The following FBN1 variants were observed in gnomAD, a reference collection of about 807,000 sequenced individuals.
FBN1 encodes fibrillin-1.
In FBN1, 29 loss-of-function variants were observed where a neutral mutation model predicts 365.1. The ratio of observed to expected loss-of-function variants is 0.08; its 90% CI spans 0.06 to 0.11. The LOEUF is 0.11. Ranked by LOEUF, FBN1 falls within the 10% of genes least tolerant of loss-of-function variation. The pLI is 1.00. For missense variants in FBN1, 2,476 were observed against 3,703.2 expected (o/e 0.67, Z 8.60); for synonymous variants, 1,210 against 1,270.5 (o/e 0.95, Z 1.01).
chr15:48,417,771 T>C (rs1027117431), intron 63 of FBN1, among the ~76,000 whole-genome samples: 5 of 152,216 alleles, frequency 3.3e-5, no homozygotes, highest in Admixed American at 1.3e-4. Context: ...CCAAGCTCCA[T>C]GTCAAACAAA....
intron 2 of FBN1, among the ~76,000 whole-genome samples, chr15:48,638,380 C>A (rs1024066077): frequency 1.3e-5 from 2 of 152,134 alleles, no homozygotes; most frequent in African/African-American, 2.4e-5. Flanking sequence ...TTACCAGCTA[C>A]AAGATTTATT....
In FBN1 at chr15:48,503,252, G is replaced by A. The variant is rs1481650597; in HGVS notation, c.2113+535C>T. On this transcript the variant is annotated intron_variant, in intron 17 of 65. Coordinates refer to ENST00000316623, the MANE Select transcript of FBN1 (RefSeq NM_000138.5). ...GCGGAGGTGGCAGTGAGCTGAGATC[G>A]CGCCACTGCACTCCAGCCTGGGCAA... Among the ~76,000 whole-genome samples, 8 of 145,078 alleles carry A rather than the reference G, an allele frequency of 5.5e-5. No homozygotes were observed. In the East Asian group the frequency reaches 6.1e-4, roughly 11 times the overall value.
rs988800108 is a variant in FBN1, at chr15:48,523,371, C to T, written c.989-2554G>A. Reference sequence around the variant, plus strand: ...ACCATGTTATTGCCCATCTGGCTGACTTATATGTTAAATCAATGGATCACA... The same window carrying T: ...ACCATGTTATTGCCCATCTGGCTGATTTATATGTTAAATCAATGGATCACA... On this transcript the variant is annotated intron_variant, in intron 9 of 65. Transcript: ENST00000316623. 2.0e-5 allele frequency among the ~76,000 whole-genome samples: 3 copies of T among 152,308 alleles called. No homozygotes were observed. In the East Asian group the frequency reaches 5.8e-4, roughly 29 times the overall value.
rs577301285 is a variant in FBN1, at chr15:48,446,702, G to T, written c.5788+4C>A. 8.2e-6 allele frequency: 13 copies of T among 1,577,938 alleles called. No homozygotes were observed. Among genetic ancestry groups the T allele is most frequent in the Admixed American group, 5.0e-5 (3 of 59,918 alleles). On this transcript the variant is annotated splice_donor_region_variant and intron_variant, in intron 47 of 65. Transcript: ENST00000316623. Reference sequence around the variant, plus strand: ...TTTGCTGATGCACAATTTTGCACACGCACCTATACAGTCATTGTTGTGAGA... The same window carrying T: ...TTTGCTGATGCACAATTTTGCACACTCACCTATACAGTCATTGTTGTGAGA...
At chr15:48,516,424 C>G (rs1597581663) in intron 10 of FBN1, 62 bp from the exon 11 acceptor site, 3 of 1,483,984 alleles carry the variant, frequency 2.0e-6, no homozygotes, top group South Asian at 1.1e-5. Flanking sequence ...CATAGGCCCA[C>G]AGAAGTCATC....
chr15:48,448,703 C>T lies in FBN1; in HGVS notation c.5671+65G>A, dbSNP rs149263870. 4.8e-5 allele frequency: 72 copies of T among 1,493,408 alleles called. No homozygotes were observed. The African/African-American group carries it at 8.5e-4, about 18-fold the overall frequency. The allele number at this position is 1,493,408 out of a possible 1,614,324, so 92.5% of individuals were successfully genotyped here. A position where few individuals can be genotyped will look rare whatever the true frequency, so the allele number is the denominator to read the frequency against. ...AAAAGACTTAGTATTAAATTTTATC[C>T]ATATTTAGAATCAAATGAAGCTTTC... is the stretch of plus-strand genomic sequence containing the variant. On this transcript the variant is annotated intron_variant, in intron 46 of 65. Transcript: ENST00000316623.
chr15:48,630,746 A>AAAAAAG (rs1555406626), intron 2 of FBN1, among the ~76,000 whole-genome samples: 18 of 145,326 alleles, frequency 1.2e-4, no homozygotes, highest in Admixed American at 3.3e-4. Context: ...AAAAAAAAAA[A>AAAAAAG]AAAAGAAAAG....
chr15:48,492,677 T>C (rs562695094), intron 23 of FBN1, 91 bp from the exon 24 acceptor site: 1 of 1,097,932 alleles, frequency 9.1e-7, no homozygotes, highest in East Asian at 2.6e-5. Context: ...TTCCCCATTT[T>C]GAACCTGGTA....
intron 2 of FBN1, among the ~76,000 whole-genome samples, chr15:48,638,481 G>C (rs1890138548): frequency 6.6e-6 from 1 of 152,146 alleles, no homozygotes; most frequent in South Asian, 2.1e-4. Flanking sequence ...TATGTCCCTG[G>C]AGTAATTACT....
chr15:48,489,925 T>G lies in FBN1; in HGVS notation c.3008A>C (p.Glu1003Ala). ...CEECPMRNTPEYEELCPRGPG... is the reference protein window; with the variant it reads ...CEECPMRNTPAYEELCPRGPG... Reference sequence around the variant, plus strand: ...TCCTCTCGGACACAGCTCCTCGTACTCAGGAGTATTTCTCATGGGACACTC... The same window carrying G: ...TCCTCTCGGACACAGCTCCTCGTACGCAGGAGTATTTCTCATGGGACACTC... Residue 1003 changes from glutamate (E) to alanine (A), a missense_variant, in exon 25 of 66, where the codon GAG (glutamate) becomes GCG (alanine). Physicochemically the swap from Glu to Ala is moderately radical, Grantham distance 107. Coordinates refer to ENST00000316623, the MANE Select transcript of FBN1 (RefSeq NM_000138.5). 1 of 1,614,168 alleles carries G rather than the reference T, an allele frequency of 6.2e-7. No individual in the cohort carries two copies. The highest frequency in any genetic ancestry group is 8.5e-7 in the Non-Finnish European group (1 of 1,180,028).
chr15:48,619,732 T>G (rs572867061), intron 2 of FBN1, among the ~76,000 whole-genome samples: 27 of 152,244 alleles, frequency 1.8e-4, no homozygotes, highest in Non-Finnish European at 2.9e-4. Flanking sequence ...AAAGGTTTTT[T>G]TTAAGTTTCT....
intron 49 of FBN1, among the ~76,000 whole-genome samples, chr15:48,442,918 C>T (rs2043127637): frequency 6.6e-6 from 1 of 152,062 alleles, no homozygotes; most frequent in Non-Finnish European, 1.5e-5. Context: ...ATCCTGGGCT[C>T]TTTATTTTTA....
At chr15:48,571,357 T>TA (rs1428017933) in intron 6 of FBN1, among the ~76,000 whole-genome samples, 1 of 152,132 alleles carries the variant, frequency 6.6e-6, no homozygotes, top group Non-Finnish European at 1.5e-5. Context: ...CAAATATATT[T>TA]AAAAATCGAA....
chr15:48,599,240 G>A (rs1237814748), intron 5 of FBN1, among the ~76,000 whole-genome samples: 3 of 151,902 alleles, frequency 2.0e-5, no homozygotes, highest in Non-Finnish European at 2.9e-5. Context: ...AATTAGAAAC[G>A]CCCTGAATAA....
chr15:48,532,992 G>T (rs2043986068), intron 8 of FBN1, among the ~76,000 whole-genome samples: 2 of 152,156 alleles, frequency 1.3e-5, no homozygotes, highest in Non-Finnish European at 2.9e-5. Flanking sequence ...ATCAGAGTTA[G>T]ATTATTCAGT....
chr15:48,509,143 T>C (rs983737060), intron 14 of FBN1, among the ~76,000 whole-genome samples: 1 of 152,186 alleles, frequency 6.6e-6, no homozygotes, highest in Non-Finnish European at 1.5e-5. Context: ...TACATCCTAA[T>C]TCTTTTAAAG....
intron 6 of FBN1, among the ~76,000 whole-genome samples, chr15:48,556,126 A>G (rs1036752894): frequency 6.6e-6 from 1 of 152,188 alleles, no homozygotes; most frequent in Non-Finnish European, 1.5e-5. Flanking sequence ...CATAGATCAC[A>G]TCCATGCACA....
intron 32 of FBN1, 35 bp downstream of exon 32, chr15:48,481,620 C>G: frequency 6.2e-7 from 1 of 1,610,150 alleles, no homozygotes; most frequent in Non-Finnish European, 8.5e-7. Context: ...CTCTTAACTA[C>G]TTAATATTTT....
chr15:48,496,014 G>A (rs2141304851), intron 20 of FBN1, 86 bp downstream of exon 20: 1 of 1,531,932 alleles, frequency 6.5e-7, no homozygotes, highest in East Asian at 2.3e-5. Context: ...CTAAAATACA[G>A]GAGACTCTAA....
Sources: allele counts gnomAD v4.1 joint callset (sites outside exome capture counted in the v4.1 genomes callset), GRCh38; gene constraint gnomAD v4.1.1; transcripts MANE v1.5; gene names NCBI Gene and HGNC (gene_info 2026-07-23, HGNC 2026-07-21).